The following ABCB4 variants were observed in gnomAD, a reference collection of about 807,000 sequenced individuals.
ABCB4 encodes the protein ATP binding cassette subfamily B member 4.
ABCB4 carries 76 observed loss-of-function variants against 145.7 expected under a neutral mutation model. The observed-to-expected ratio is 0.52, with a 90% confidence interval of 0.43 to 0.63. The LOEUF is 0.63. ABCB4 is among the 30% of genes least tolerant of loss of function. The pLI is 0.00. For missense variants in ABCB4, 1,234 were observed against 1,553.1 expected (o/e 0.79, Z 3.45); for synonymous variants, 517 against 566.8 (o/e 0.91, Z 1.25).
chr7:87,370,990 G>A, the ABCB4 span, among the ~76,000 whole-genome samples: 1 of 152,196 alleles, frequency 6.6e-6, no homozygotes, highest in Non-Finnish European at 1.5e-5. Context: ...GGTTGTGTGT[G>A]TTGCAATACA....
chr7:87,391,717 GTA>G, the ABCB4 span: 2 of 1,599,760 alleles, frequency 1.3e-6, no homozygotes, highest in South Asian at 2.3e-5. Flanking sequence ...GTCAATGTGA[GTA>G]TTGGAAAGGA....
chr7:87,439,103 T>C (rs143587822), intron 14 of ABCB4, among the ~76,000 whole-genome samples: 2 of 152,326 alleles, frequency 1.3e-5, no homozygotes, highest in East Asian at 3.9e-4. Flanking sequence ...GTCTTTCCTG[T>C]GACACTTCAG....
At chr7:87,424,497 A>G (rs986275714) in intron 16 of ABCB4, among the ~76,000 whole-genome samples, 1 of 152,196 alleles carries the variant, frequency 6.6e-6, no homozygotes, top group African/African-American at 2.4e-5. Flanking sequence ...GAGACAATAC[A>G]CCTGAGTAGA....
chr7:87,385,205 G>A, the ABCB4 span, among the ~76,000 whole-genome samples: 3 of 151,338 alleles, frequency 2.0e-5, no homozygotes, highest in Non-Finnish European at 4.4e-5. Context: ...TGAATTTTTG[G>A]ATTTTTTTTT....
At chr7:87,446,744 C>A (rs1043992897) in intron 9 of ABCB4, among the ~76,000 whole-genome samples, 1 of 152,150 alleles carries the variant, frequency 6.6e-6, no homozygotes, top group Non-Finnish European at 1.5e-5. Flanking sequence ...GAGGATGGCT[C>A]CCATCCATAT....
chr7:87,448,233 C>A (rs45440392), intron 8 of ABCB4, among the ~76,000 whole-genome samples: 2,922 of 151,854 alleles, frequency 0.019, 92 homozygotes, highest in African/African-American at 0.067. Flanking sequence ...TATGCAATGA[C>A]ACTTCGAGGG....
At chr7:87,382,641 C>CT in the ABCB4 span, 5 of 1,258,686 alleles carry the variant, frequency 4.0e-6, no homozygotes, top group Middle Eastern at 1.9e-4. Context: ...TTTTTGCTCA[C>CT]TTTTTTCCCA....
chr7:87,455,011 G>C (rs182146979), intron 4 of ABCB4, among the ~76,000 whole-genome samples: 24 of 150,822 alleles, frequency 1.6e-4, no homozygotes, highest in Non-Finnish European at 3.3e-4. Context: ...TTTTTTTGGT[G>C]GCTCAAAGCA....
chr7:87,371,993 C>CAAAAAAAAA, the ABCB4 span, among the ~76,000 whole-genome samples: 1 of 59,734 alleles, frequency 1.7e-5, no homozygotes, highest in Non-Finnish European at 3.2e-5. Context: ...GACGCTGTCT[C>CAAAAAAAAA]AAAAAAAAAA....
intron 12 of ABCB4, 147 bp downstream of exon 12, chr7:87,443,172 G>T: frequency 3.0e-6 from 3 of 986,972 alleles, no homozygotes; most frequent in Non-Finnish European, 4.8e-6. Flanking sequence ...GCCCAAGGGT[G>T]TGAAGGCATT....
At chr7:87,389,989 T>A in the ABCB4 span, among the ~76,000 whole-genome samples, 1 of 152,172 alleles carries the variant, frequency 6.6e-6, no homozygotes, top group Non-Finnish European at 1.5e-5. Flanking sequence ...AAGTCTTTTT[T>A]AAATATGGGA....
intron 27 of ABCB4, among the ~76,000 whole-genome samples, 180 bp downstream of exon 27, chr7:87,402,955 G>A (rs545340944): frequency 2.0e-5 from 3 of 152,062 alleles, no homozygotes; most frequent in Non-Finnish European, 4.4e-5. Flanking sequence ...GCTGGATTGC[G>A]CCACTGCACT....
chr7:87,468,941 TAAATAAAATA>T (rs376156950), intron 3 of ABCB4, among the ~76,000 whole-genome samples: 4,270 of 138,878 alleles, frequency 0.031, 228 homozygotes, highest in African/African-American at 0.11. Context: ...AAAAAATAAA[TAAATAAAATA>T]AAATAAAATA....
the ABCB4 span, among the ~76,000 whole-genome samples, chr7:87,379,157 C>G: frequency 2.0e-5 from 3 of 152,184 alleles, no homozygotes; most frequent in African/African-American, 7.2e-5. Flanking sequence ...CCCTTCATTT[C>G]CCTTTGACCT....
chr7:87,470,986 A>G (rs1469356952), intron 3 of ABCB4, among the ~76,000 whole-genome samples: 4 of 152,194 alleles, frequency 2.6e-5, no homozygotes, highest in Non-Finnish European at 5.9e-5. Flanking sequence ...CAACAATGAT[A>G]GACTGGATTA....
At chr7:87,376,627 A>G in the ABCB4 span, among the ~76,000 whole-genome samples, 1 of 151,128 alleles carries the variant, frequency 6.6e-6, no homozygotes, top group Non-Finnish European at 1.5e-5. Context: ...TGTAGCAAGG[A>G]GAGAGATTTT....
At position 87,402,164 on chromosome 7, in the gene ABCB4, G is replaced by T; in HGVS notation, c.3772C>A (p.Gln1258Lys). The stretch of plus-strand genomic sequence containing the variant: ...TAGATGCCTTTCTGTGCCAGCAGCT[G>T]CTGATGCGTGCCATGCTCCTTGACT... The part of the protein sequence containing the change: ...GRVKEHGTHQ[Q>K]LLAQKGIYFS... Residue 1258 changes from glutamine to lysine, a missense_variant, in exon 28 of 28, where the codon CAG (glutamine) becomes AAG (lysine). Around this residue, in one of 7 missense-constraint regions of ABCB4, gnomAD observed 58 missense variants for 75.9 expected, o/e 0.76. Coordinates refer to ENST00000649586, the MANE Select transcript of ABCB4 (RefSeq NM_000443.4). 6.2e-7 allele frequency: 1 copy of T among 1,614,086 alleles called. No individual in the cohort carries two copies. The highest frequency in any genetic ancestry group is 8.5e-7 in the Non-Finnish European group (1 of 1,180,038).
chr7:87,426,312 C>T (rs529877787), intron 16 of ABCB4, among the ~76,000 whole-genome samples: 1 of 152,238 alleles, frequency 6.6e-6, no homozygotes, highest in South Asian at 2.1e-4. Context: ...GGGTTTTTCA[C>T]CTCTAAGATT....
At chr7:87,455,027 T>C (rs2116836893) in intron 4 of ABCB4, among the ~76,000 whole-genome samples, 1 of 152,172 alleles carries the variant, frequency 6.6e-6, no homozygotes. Context: ...AAGCACTTTA[T>C]AGAACTTCAA....
Sources: allele counts gnomAD v4.1 joint callset (sites outside exome capture counted in the v4.1 genomes callset), GRCh38; gene constraint gnomAD v4.1.1; regional missense constraint gnomAD v4.1.1; transcripts MANE v1.5; gene names NCBI Gene and HGNC (gene_info 2026-07-23, HGNC 2026-07-21).